The following GUCY1A2 variants were observed in gnomAD, a reference collection of about 807,000 sequenced individuals.
The protein encoded by GUCY1A2 is guanylate cyclase 1 soluble subunit alpha 2.
A neutral mutation model predicts 63.5 loss-of-function variants in GUCY1A2; 27 were observed. The ratio of observed to expected loss-of-function variants is 0.43; its 90% CI spans 0.31 to 0.59. GUCY1A2 has a LOEUF of 0.59. Ranked by LOEUF, GUCY1A2 falls within the 20% of genes least tolerant of loss-of-function variation. The pLI is 0.11. For synonymous variants in GUCY1A2, 364 were observed against 343.5 expected (o/e 1.06, Z -0.66); for missense variants, 768 against 913.3 (o/e 0.84, Z 2.05).
intron 7 of GUCY1A2, among the ~76,000 whole-genome samples, chr11:106,705,704 C>T (rs1371498284): frequency 6.6e-6 from 1 of 151,874 alleles, no homozygotes; most frequent in African/African-American, 2.4e-5. Context: ...ACTAAAAATA[C>T]AAAAAATTAG....
intron 6 of GUCY1A2, among the ~76,000 whole-genome samples, chr11:106,759,117 A>G (rs1864021588): frequency 6.6e-6 from 1 of 152,146 alleles, no homozygotes; most frequent in Non-Finnish European, 1.5e-5. Flanking sequence ...ATACCCATGT[A>G]ACAAACATGC....
intron 4 of GUCY1A2, among the ~76,000 whole-genome samples, chr11:106,833,750 T>C (rs1002554566): frequency 1.1e-4 from 17 of 152,004 alleles, no homozygotes; most frequent in African/African-American, 3.9e-4. Context: ...ATTGGAAAAA[T>C]AGACAAAATA....
chr11:106,802,104 G>A (rs551867929), intron 5 of GUCY1A2, among the ~76,000 whole-genome samples: 21 of 152,148 alleles, frequency 1.4e-4, no homozygotes, highest in Non-Finnish European at 2.4e-4. Context: ...ATTAATTAAA[G>A]GTTTGTTTGT....
chr11:106,804,817 T>G (rs1858658296), intron 5 of GUCY1A2, among the ~76,000 whole-genome samples: 2 of 152,200 alleles, frequency 1.3e-5, no homozygotes, highest in Admixed American at 6.5e-5. Context: ...GAAAAGACTC[T>G]GCTTCTTTAT....
At chr11:106,713,497 T>C (rs561968689) in intron 6 of GUCY1A2, among the ~76,000 whole-genome samples, 11 of 24,832 alleles carry the variant, frequency 4.4e-4, no homozygotes, top group African/African-American at 4.4e-3. Context: ...AGTATGTTTC[T>C]TTTTTTTTTT....
chr11:106,915,519 G>A (rs1591326148), intron 4 of GUCY1A2, among the ~76,000 whole-genome samples: 1 of 146,948 alleles, frequency 6.8e-6, no homozygotes, highest in African/African-American at 2.4e-5. Context: ...CAGTCTATCA[G>A]CAGGAGATAA....
intron 4 of GUCY1A2, among the ~76,000 whole-genome samples, chr11:106,854,123 A>T (rs1859394212): frequency 6.6e-6 from 1 of 152,154 alleles, no homozygotes; most frequent in Non-Finnish European, 1.5e-5. Flanking sequence ...CTGATCCTCA[A>T]GCCCCAGGCA....
chr11:106,674,625 A>C lies in GUCY1A2; in HGVS notation c.*12924T>G. 2 of 186,946 alleles carry C rather than the reference A, an allele frequency of 1.1e-5. No homozygotes were observed. Among genetic ancestry groups the C allele is most frequent in the Middle Eastern group, 4.0e-3 (2 of 506 alleles). The allele number at this position is 186,946 out of a possible 1,614,324, so 11.6% of individuals were successfully genotyped here. ...TTTAATCATGCCCTACATATATATTAGTATATTTACCTGGTATTAGTTGAT... is the reference window on the plus strand; with the variant it reads ...TTTAATCATGCCCTACATATATATTCGTATATTTACCTGGTATTAGTTGAT... On this transcript the variant is annotated 3_prime_UTR_variant, in exon 8 of 8. Transcript: ENST00000526355.
At chr11:106,749,667 A>G (rs1307178622) in intron 6 of GUCY1A2, among the ~76,000 whole-genome samples, 1 of 152,116 alleles carries the variant, frequency 6.6e-6, no homozygotes, top group East Asian at 1.9e-4. Flanking sequence ...GGTATTCTCT[A>G]TGCCTCTTAG....
chr11:106,696,068 A>C (rs1287515125), intron 7 of GUCY1A2, among the ~76,000 whole-genome samples: 3 of 152,122 alleles, frequency 2.0e-5, no homozygotes, highest in Non-Finnish European at 4.4e-5. Context: ...TACTCTGCAT[A>C]CCTGATACCT....
intron 4 of GUCY1A2, among the ~76,000 whole-genome samples, chr11:106,867,430 G>A (rs1179455088): frequency 2.6e-5 from 4 of 151,996 alleles, no homozygotes; most frequent in Non-Finnish European, 5.9e-5. Flanking sequence ...CAGAGCACAC[G>A]CTAGAACAGA....
chr11:106,866,566 T>G (rs1479233307), intron 4 of GUCY1A2, among the ~76,000 whole-genome samples: 4 of 152,122 alleles, frequency 2.6e-5, no homozygotes, highest in Admixed American at 2.6e-4. Context: ...AAGGTCATTC[T>G]GCAAGTTGGT....
chr11:106,771,981 T>C (rs1166362858), intron 6 of GUCY1A2, among the ~76,000 whole-genome samples: 2 of 152,156 alleles, frequency 1.3e-5, no homozygotes, highest in African/African-American at 4.8e-5. Context: ...TTTATAGATA[T>C]AGTCCAGAAG....
At chr11:106,795,457 T>C (rs1423668118) in intron 5 of GUCY1A2, among the ~76,000 whole-genome samples, 1 of 152,160 alleles carries the variant, frequency 6.6e-6, no homozygotes, top group Non-Finnish European at 1.5e-5. Flanking sequence ...CAGGAAAATA[T>C]AACATTAAAA....
At chr11:106,938,512 G>A (rs1464497405) in intron 4 of GUCY1A2, among the ~76,000 whole-genome samples, 1 of 152,008 alleles carries the variant, frequency 6.6e-6, no homozygotes, top group Non-Finnish European at 1.5e-5. Flanking sequence ...TTGGAAACAG[G>A]CTAAATAGCC....
At chr11:106,704,129 C>T (rs756941798) in intron 7 of GUCY1A2, among the ~76,000 whole-genome samples, 1 of 152,114 alleles carries the variant, frequency 6.6e-6, no homozygotes, top group South Asian at 2.1e-4. Flanking sequence ...CCCATTCTTT[C>T]TCTCAAATTT....
intron 7 of GUCY1A2, among the ~76,000 whole-genome samples, chr11:106,705,701 A>T (rs1424621959): frequency 1.3e-5 from 2 of 152,098 alleles, no homozygotes; most frequent in African/African-American, 4.8e-5. Context: ...TCTACTAAAA[A>T]TACAAAAAAT....
At chr11:106,992,724 T>C (rs570263558) in intron 1 of GUCY1A2, among the ~76,000 whole-genome samples, 4 of 152,118 alleles carry the variant, frequency 2.6e-5, no homozygotes. Context: ...AAACAATTGA[T>C]TTTTTTCTTG....
At chr11:106,687,834 A>C (rs1004479222) in intron 7 of GUCY1A2, 78 bp from the exon 8 acceptor site, 3 of 952,508 alleles carry the variant, frequency 3.1e-6, no homozygotes, top group Non-Finnish European at 5.1e-6. Context: ...TTAAAGGCTC[A>C]GGAAGCCTAT....
Sources: gnomAD v4.1 joint callset for allele counts (sites outside exome capture counted in the v4.1 genomes callset) on GRCh38, gnomAD v4.1.1 for gene constraint, MANE v1.5 for transcripts, NCBI Gene and HGNC (gene_info 2026-07-23, HGNC 2026-07-21) for gene names.